CHM: variants seen among roughly 807,000 people sequenced by gnomAD.
CHM encodes rab proteins geranylgeranyltransferase component A 1.
Under a neutral mutation model 49.0 loss-of-function variants are expected in CHM, and 10 were observed. The observed-to-expected ratio is 0.20, with a 90% CI of 0.13 to 0.35. CHM has a LOEUF of 0.35. Ranked by LOEUF, CHM falls within the 10% of genes least tolerant of loss-of-function variation. The pLI, the probability that CHM is intolerant of heterozygous loss-of-function variation, is 1.00. For missense variants in CHM, 455 were observed against 478.4 expected (o/e 0.95, Z 0.46); for synonymous variants, 184 against 167.5 (o/e 1.10, Z -0.76).
At position 85,871,886 on chromosome X, in the gene CHM, C is replaced by G. The variant is rs188015530; in HGVS notation, c.1770+1166G>C. ...AAAACTTGTTGGCAATTTCTACTTG[C>G]AAAAAATTAGAACATCAAGGTAAAA... On this transcript the variant is annotated intron_variant, in intron 14 of 14. Transcript: ENST00000357749. Among the ~76,000 whole-genome samples the G allele has an allele frequency of 6.4e-3, 716 of 111,769 alleles. 4 individuals carry two copies. The highest frequency in any genetic ancestry group is 0.022 in the African/African-American group (666 of 30,819).
chrX:85,969,218 C>G (rs375227175), intron 4 of CHM: 1 of 738,048 alleles, frequency 1.4e-6, no homozygotes. Flanking sequence ...ACGTTCAGTA[C>G]AATGCAGAAA....
chrX:85,871,816 T>C (rs918577198), intron 14 of CHM, among the ~76,000 whole-genome samples: 1 of 111,892 alleles, frequency 8.9e-6, no homozygotes, highest in Non-Finnish European at 1.9e-5. Context: ...TTAAAAAATA[T>C]TAAAAGTTCA....
At position 86,045,777 on chromosome X, in the gene CHM, A is replaced by AAAAAAAATTGTTGATT. The variant is rs1245032251; in HGVS notation, c.49+1691_49+1706dup. On this transcript the variant is annotated intron_variant, in intron 1 of 14. Coordinates refer to ENST00000357749, the MANE Select transcript of CHM (RefSeq NM_000390.4). ...ATTAAAATTTGAACCCAGACCTGAA[A>AAAAAAAATTGTTGATT]AAAAAAATTGTTGATTAAAAAAATT... Among the ~76,000 whole-genome samples, 4 of 112,199 alleles carry AAAAAAAATTGTTGATT rather than the reference A, an allele frequency of 3.6e-5. No homozygotes were observed. The South Asian group carries it at 1.5e-3, about 41-fold the overall frequency.
rs1364112230 is a variant in CHM at position 85,864,288 on chromosome X, C to T, written c.*342G>A. On this transcript the variant is annotated 3_prime_UTR_variant, in exon 15 of 15. Transcript: ENST00000357749. ...GAAAATGTGGCTTTCAAACAAAGAT[C>T]CAAAGTGGTAAGCAAAATTGTCCTA... 5.4e-6 allele frequency: 1 copy of T among 185,382 alleles called. No individual in the cohort carries two copies. Among genetic ancestry groups the T allele is most frequent in the Admixed American group, 7.1e-5 (1 of 14,165 alleles). 15.3% of individuals were successfully genotyped at this position (185,382 alleles called of 1,213,427 possible).
At chrX:85,939,246 C>T (rs770382500) in intron 8 of CHM, among the ~76,000 whole-genome samples, 2 of 111,919 alleles carry the variant, frequency 1.8e-5, no homozygotes, top group Non-Finnish European at 3.8e-5. Flanking sequence ...TTAAGTGATG[C>T]ACAAAGCTAT....
At chrX:86,035,145 G>A (rs928470736) in intron 1 of CHM, among the ~76,000 whole-genome samples, 1 of 112,148 alleles carries the variant, frequency 8.9e-6, no homozygotes, top group Non-Finnish European at 1.9e-5. Context: ...GAGGTCTACA[G>A]CAAAACAGTT....
At chrX:85,869,944 A>G (rs1389325534) in intron 14 of CHM, among the ~76,000 whole-genome samples, 2 of 112,580 alleles carry the variant, frequency 1.8e-5, no homozygotes, top group East Asian at 5.6e-4. Context: ...TAGTTAACAT[A>G]CATCAACACA....
At chrX:85,968,497 G>C (rs1184484200) in intron 4 of CHM, among the ~76,000 whole-genome samples, 2 of 111,499 alleles carry the variant, frequency 1.8e-5, no homozygotes, top group Non-Finnish European at 3.8e-5. Context: ...TCAGTCCTTG[G>C]GGATGGATCA....
At chrX:86,001,306 T>C (rs1477471747) in intron 2 of CHM, among the ~76,000 whole-genome samples, 1 of 109,382 alleles carries the variant, frequency 9.1e-6, no homozygotes, top group Non-Finnish European at 1.9e-5. Context: ...AACAGCTTAA[T>C]ATGCAACAGT....
chrX:85,989,726 TA>T (rs1005159261), intron 2 of CHM, among the ~76,000 whole-genome samples: 5 of 96,758 alleles, frequency 5.2e-5, no homozygotes, highest in African/African-American at 1.7e-4. Flanking sequence ...ATGTAGTCAA[TA>T]GCATATGGAA....
At chrX:85,985,139 A>G (rs1931836514) in intron 2 of CHM, among the ~76,000 whole-genome samples, 1 of 112,182 alleles carries the variant, frequency 8.9e-6, no homozygotes, top group Non-Finnish European at 1.9e-5. Context: ...GCCGCATTGC[A>G]CACCTCTCTG....
At chrX:85,869,002 A>G (rs1923882233) in intron 14 of CHM, among the ~76,000 whole-genome samples, 1 of 111,816 alleles carries the variant, frequency 8.9e-6, no homozygotes, top group South Asian at 3.7e-4. Context: ...ACTGGTACCA[A>G]TGTTATTCTT....
intron 2 of CHM, among the ~76,000 whole-genome samples, chrX:86,023,337 ACT>A (rs1933680813): frequency 9.1e-6 from 1 of 110,132 alleles, no homozygotes. Flanking sequence ...CAAACTTGTC[ACT>A]CTCTTTCATC....
At chrX:86,046,988 A>G (rs1360871012) in intron 1 of CHM, among the ~76,000 whole-genome samples, 11 of 111,786 alleles carry the variant, frequency 9.8e-5, no homozygotes. Flanking sequence ...ATGGGCAATA[A>G]TTGAGCATCT....
intron 12 of CHM, among the ~76,000 whole-genome samples, chrX:85,883,728 A>C (rs937422380): frequency 7.2e-5 from 8 of 111,215 alleles, no homozygotes; most frequent in African/African-American, 2.3e-4. Flanking sequence ...TAGCATTTTA[A>C]AACTAGGGTC....
intron 5 of CHM, among the ~76,000 whole-genome samples, chrX:85,960,924 C>G (rs1479073300): frequency 9.0e-6 from 1 of 111,660 alleles, no homozygotes; most frequent in Non-Finnish European, 1.9e-5. Context: ...TTGACCTTCT[C>G]TATTAGTCTG....
At chrX:85,910,425 G>A (rs772766409) in intron 9 of CHM, among the ~76,000 whole-genome samples, 10 of 111,117 alleles carry the variant, frequency 9.0e-5, no homozygotes, top group African/African-American at 2.9e-4. Context: ...GTAAAAAAAA[G>A]AAAAACACAT....
At chrX:86,025,030 C>A (rs1216762219) in intron 2 of CHM, among the ~76,000 whole-genome samples, 1 of 110,975 alleles carries the variant, frequency 9.0e-6, no homozygotes, top group African/African-American at 3.3e-5. Flanking sequence ...AGATTCAGAT[C>A]AGGAGATATC....
intron 12 of CHM, among the ~76,000 whole-genome samples, chrX:85,883,738 C>T (rs1008776955): frequency 4.5e-5 from 5 of 110,398 alleles, no homozygotes; most frequent in Non-Finnish European, 9.5e-5. Context: ...AAACTAGGGT[C>T]ACAAAAGCAG....
Sources: gnomAD v4.1 joint callset for allele counts (sites outside exome capture counted in the v4.1 genomes callset) on GRCh38, gnomAD v4.1.1 for gene constraint, MANE v1.5 for transcripts, NCBI Gene and HGNC (gene_info 2026-07-23, HGNC 2026-07-21) for gene names.